Variants in RB1 observed in about 807,000 individuals in gnomAD.
The protein encoded by RB1 is RB transcriptional corepressor 1.
RB1 carries 18 observed loss-of-function variants against 135.4 expected under a neutral mutation model. The ratio of observed to expected loss-of-function variants is 0.13; its 90% CI spans 0.09 to 0.20. The LOEUF is 0.20. Among genes scored for constraint, RB1 ranks in the 10% least tolerant of loss-of-function variants. The pLI is 1.00. For missense variants in RB1, 868 were observed against 1,110.0 expected, an observed-to-expected ratio of 0.78 and a Z score of 3.10; for synonymous variants, 365 against 373.2, an observed-to-expected ratio of 0.98 and a Z score of 0.25.
intron 2 of RB1, chr13:48,327,976 G>GA (rs1034533483): frequency 1.6e-3 from 862 of 535,452 alleles, no homozygotes; most frequent in Non-Finnish European, 1.9e-3. Flanking sequence ...AGATGAAAAA[G>GA]AAAAAAAAAG....
chr13:48,330,824 A>G (rs989449679), intron 2 of RB1, among the ~76,000 whole-genome samples: 2 of 152,218 alleles, frequency 1.3e-5, no homozygotes, highest in Non-Finnish European at 2.9e-5. Flanking sequence ...CCTTGATACC[A>G]AAGTCAGGCA....
intron 24 of RB1, among the ~76,000 whole-genome samples, chr13:48,475,989 G>A (rs1013503242): frequency 7.2e-5 from 11 of 152,146 alleles, no homozygotes; most frequent in African/African-American, 2.7e-4. Context: ...ATATCTTAAA[G>A]CTGATAATTT....
chr13:48,431,265 G>A (rs889527227), intron 17 of RB1, among the ~76,000 whole-genome samples: 5 of 151,962 alleles, frequency 3.3e-5, no homozygotes, highest in African/African-American at 1.2e-4. Flanking sequence ...TTTTTTTTAA[G>A]TTTTGGCCTT....
intron 23 of RB1, among the ~76,000 whole-genome samples, chr13:48,467,302 C>A (rs1293374196): frequency 0.043 from 3,058 of 71,084 alleles, no homozygotes; most frequent in Middle Eastern, 0.089. Flanking sequence ...CATATCCAGC[C>A]AAACTAAGCT....
At chr13:48,412,399 A>T (rs766709339) in intron 17 of RB1, 1 of 1,614,018 alleles carries the variant, frequency 6.2e-7, no homozygotes, top group East Asian at 2.2e-5. Flanking sequence ...TTATAGAAGC[A>T]GTGGGAGCTG....
chr13:48,367,465 A>T (rs2138120839), intron 9 of RB1, 29 bp from the exon 10 acceptor site: 1 of 1,592,496 alleles, frequency 6.3e-7, no homozygotes, highest in Non-Finnish European at 8.6e-7. Context: ...CATGTAAAGG[A>T]TAATTGTCAG....
intron 23 of RB1, 138 bp downstream of exon 23, chr13:48,465,506 T>A: frequency 1.0e-6 from 1 of 990,782 alleles, no homozygotes; most frequent in Non-Finnish European, 1.5e-6. Flanking sequence ...AGTAACATAA[T>A]AAGAATATGG....
chr13:48,478,141 A>T (rs1322178120), intron 26 of RB1, among the ~76,000 whole-genome samples: 1 of 152,214 alleles, frequency 6.6e-6, no homozygotes, highest in East Asian at 1.9e-4. Flanking sequence ...TTTTGAAAGA[A>T]GACAAATATT....
At chr13:48,368,667 A>G in intron 11 of RB1, 63 bp downstream of exon 11, 1 of 1,570,440 alleles carries the variant, frequency 6.4e-7, no homozygotes, top group Middle Eastern at 2.2e-4. Context: ...ATAGTGTTTC[A>G]GATTTGTTCA....
chr13:48,419,081 A>G (rs1394910826), intron 17 of RB1, among the ~76,000 whole-genome samples: 1 of 152,230 alleles, frequency 6.6e-6, no homozygotes, highest in Non-Finnish European at 1.5e-5. Flanking sequence ...TCAACAGAAT[A>G]GACATTCTTC....
At chr13:48,348,812 A>C (rs1952520887) in intron 5 of RB1, 144 bp from the exon 6 acceptor site, 9 of 887,634 alleles carry the variant, frequency 1.0e-5, no homozygotes, top group Non-Finnish European at 1.5e-5. Flanking sequence ...ATGCAATTAA[A>C]ATGGACTGCA....
intron 2 of RB1, among the ~76,000 whole-genome samples, chr13:48,314,047 C>T (rs1252962838): frequency 6.6e-6 from 1 of 151,982 alleles, no homozygotes; most frequent in Non-Finnish European, 1.5e-5. Flanking sequence ...CGCGCCTGGC[C>T]GTATGTTTAT....
chr13:48,481,756 A>C lies in RB1; in HGVS notation c.*1685A>C. 1 of 229,630 alleles carries C rather than the reference A, an allele frequency of 4.4e-6. No individual in the cohort carries two copies. The allele number at this position is 229,630 out of a possible 1,614,324, so 14.2% of individuals were successfully genotyped here. ...AGAGATCGTGTATTGAGATTTCTTA[A>C]ATAATGCTTCAGATATTATTGCTTT... is the stretch of plus-strand genomic sequence containing the variant. On this transcript the variant is annotated 3_prime_UTR_variant, in exon 27 of 27. Transcript: ENST00000267163.
chr13:48,342,739 G>A (rs1952457852), intron 3 of RB1, 25 bp downstream of exon 3: 3 of 1,465,606 alleles, frequency 2.0e-6, no homozygotes, highest in Non-Finnish European at 2.9e-6. Context: ...ATAAATATAA[G>A]CCTCTGCCAT....
At chr13:48,479,141 T>C (rs1949521853) in intron 26 of RB1, among the ~76,000 whole-genome samples, 1 of 151,952 alleles carries the variant, frequency 6.6e-6, no homozygotes, top group Admixed American at 6.6e-5. Flanking sequence ...GGTGAGAGAA[T>C]TGCTTGAGCC....
In RB1 at chr13:48,465,260, G is replaced by C. The variant is rs1240896329; in HGVS notation, c.2381G>C (p.Ser794Thr). Residue 794 changes from serine (S) to threonine (T), a missense_variant, in exon 23 of 27, where the codon AGT (serine) becomes ACT (threonine). Physicochemically the swap from Ser to Thr is moderately conservative, Grantham distance 58. Transcript: ENST00000267163. ...HIPRSPYKFP[S>T]SPLRIPGGNI... ...CCTCGAAGCCCTTACAAGTTTCCTA[G>C]TTCACCCTTACGGATTCCTGGAGGG... The C allele has an allele frequency of 1.9e-6, 3 of 1,613,420 alleles. No homozygotes were observed. The highest frequency in any genetic ancestry group is 2.5e-6 in the Non-Finnish European group (3 of 1,179,640).
intron 17 of RB1, among the ~76,000 whole-genome samples, chr13:48,405,412 C>A (rs938794254): frequency 2.0e-5 from 3 of 152,084 alleles, no homozygotes; most frequent in Non-Finnish European, 4.4e-5. Flanking sequence ...TTATTGAGAC[C>A]AATTATGTGC....
intron 2 of RB1, among the ~76,000 whole-genome samples, chr13:48,312,334 A>G (rs1952138459): frequency 6.6e-6 from 1 of 152,148 alleles, no homozygotes; most frequent in South Asian, 2.1e-4. Context: ...ATGTTGTGCC[A>G]CAGATGAGCC....
chr13:48,368,495 G>T, intron 10 of RB1, 32 bp from the exon 11 acceptor site: 1 of 1,611,366 alleles, frequency 6.2e-7, no homozygotes, highest in Non-Finnish European at 8.5e-7. Flanking sequence ...TAAATTTTCA[G>T]TATGTGAATG....
Sources: gnomAD v4.1 joint callset for allele counts (sites outside exome capture counted in the v4.1 genomes callset) on GRCh38, gnomAD v4.1.1 for gene constraint, MANE v1.5 for transcripts, NCBI Gene and HGNC (gene_info 2026-07-23, HGNC 2026-07-21) for gene names.